Variants in AUTS2 observed in about 807,000 individuals in gnomAD.
AUTS2 encodes autism susceptibility gene 2 protein.
Under a neutral mutation model 112.4 loss-of-function variants are expected in AUTS2, and 17 were observed. That is an observed-to-expected ratio of 0.15 (90% CI 0.10 to 0.23). The LOEUF (loss-of-function observed/expected upper bound fraction) is 0.23. Ranked by LOEUF, AUTS2 falls within the 10% of genes least tolerant of loss-of-function variation. The pLI is 1.00. For missense variants in AUTS2, 1,510 were observed against 1,701.6 expected (o/e 0.89, Z 1.98); for synonymous variants, 751 against 702.7 (o/e 1.07, Z -1.09).
chr7:70,101,605 G>A (rs1804498893), intron 2 of AUTS2, among the ~76,000 whole-genome samples: 1 of 152,168 alleles, frequency 6.6e-6, no homozygotes, highest in African/African-American at 2.4e-5. Flanking sequence ...TGAGGCACAA[G>A]AATTGCTTGA....
chr7:70,095,648 G>A (rs1367815450), intron 2 of AUTS2, among the ~76,000 whole-genome samples: 1 of 152,072 alleles, frequency 6.6e-6, no homozygotes, highest in East Asian at 1.9e-4. Flanking sequence ...ATAGGTTATT[G>A]GAGAGACAGA....
At chr7:70,088,717 A>G (rs1219169193) in intron 2 of AUTS2, among the ~76,000 whole-genome samples, 1 of 151,620 alleles carries the variant, frequency 6.6e-6, no homozygotes, top group South Asian at 2.1e-4. Flanking sequence ...GGTTCAAGCG[A>G]TTCTCCTGCC....
At chr7:70,159,653 C>G (rs1322130388) in intron 4 of AUTS2, among the ~76,000 whole-genome samples, 1 of 152,022 alleles carries the variant, frequency 6.6e-6, no homozygotes, top group Non-Finnish European at 1.5e-5. Context: ...TGTTTAAATA[C>G]CAAATTTATG....
At chr7:69,678,128 T>C (rs1424265428) in intron 1 of AUTS2, among the ~76,000 whole-genome samples, 1 of 152,114 alleles carries the variant, frequency 6.6e-6, no homozygotes, top group Non-Finnish European at 1.5e-5. Flanking sequence ...CTATGAAATC[T>C]GGAAGTGCTC....
At chr7:70,407,037 CA>C (rs1222706903) in intron 4 of AUTS2, among the ~76,000 whole-genome samples, 1 of 152,132 alleles carries the variant, frequency 6.6e-6, no homozygotes, top group Non-Finnish European at 1.5e-5. Context: ...CTGAGCTGGC[CA>C]AATAATCGGT....
chr7:70,461,974 G>T (rs765571524), intron 5 of AUTS2, among the ~76,000 whole-genome samples: 1 of 152,210 alleles, frequency 6.6e-6, no homozygotes, highest in East Asian at 1.9e-4. Flanking sequence ...GAAAGGGGCC[G>T]TGTGCGCTGG....
At chr7:70,408,732 A>G (rs974646933) in intron 4 of AUTS2, among the ~76,000 whole-genome samples, 1 of 152,234 alleles carries the variant, frequency 6.6e-6, no homozygotes, top group East Asian at 1.9e-4. Context: ...GAGATCATGG[A>G]GAGAAGTAGT....
At chr7:70,395,083 C>T (rs1054803467) in intron 4 of AUTS2, among the ~76,000 whole-genome samples, 27 of 151,774 alleles carry the variant, frequency 1.8e-4, no homozygotes, top group African/African-American at 6.0e-4. Flanking sequence ...TAAAATGATT[C>T]TTAGTGGCAT....
At chr7:70,322,575 A>C (rs371840801) in intron 4 of AUTS2, among the ~76,000 whole-genome samples, 19 of 152,336 alleles carry the variant, frequency 1.2e-4, no homozygotes, top group African/African-American at 3.6e-4. Flanking sequence ...CTAGAAGTCA[A>C]ATGTGTTGTT....
At chr7:70,224,827 A>G (rs1811681467) in intron 4 of AUTS2, among the ~76,000 whole-genome samples, 1 of 152,202 alleles carries the variant, frequency 6.6e-6, no homozygotes, top group South Asian at 2.1e-4. Flanking sequence ...TAGATACACA[A>G]ATACTTGCCA....
chr7:70,204,227 T>A (rs757666791), intron 4 of AUTS2, among the ~76,000 whole-genome samples: 4 of 152,200 alleles, frequency 2.6e-5, no homozygotes, highest in Non-Finnish European at 5.9e-5. Flanking sequence ...TACATTGTTG[T>A]ATATCTTTAG....
chr7:70,018,535 G>A (rs1800133097), intron 2 of AUTS2, among the ~76,000 whole-genome samples: 1 of 152,108 alleles, frequency 6.6e-6, no homozygotes. Flanking sequence ...TTTGATTCCT[G>A]TTTAACACTC....
chr7:70,608,608 C>T (rs1478205382), intron 5 of AUTS2, among the ~76,000 whole-genome samples: 7 of 152,182 alleles, frequency 4.6e-5, no homozygotes, highest in African/African-American at 1.4e-4. Flanking sequence ...AAGGTATTCA[C>T]GATGAACCAC....
chr7:69,769,755 AACAAGGG>A (rs1205367597), intron 1 of AUTS2, among the ~76,000 whole-genome samples: 1 of 152,222 alleles, frequency 6.6e-6, no homozygotes, highest in Non-Finnish European at 1.5e-5. Flanking sequence ...ATTGAGAATA[AACAAGGG>A]ACATAAACTA....
intron 4 of AUTS2, among the ~76,000 whole-genome samples, chr7:70,426,709 G>A (rs1222802405): frequency 2.0e-5 from 3 of 152,158 alleles, no homozygotes; most frequent in African/African-American, 4.8e-5. Context: ...ATCGGGTAAT[G>A]CGATAAGTTC....
intron 2 of AUTS2, among the ~76,000 whole-genome samples, chr7:70,048,757 T>C (rs551417124): frequency 4.6e-5 from 7 of 152,224 alleles, no homozygotes; most frequent in African/African-American, 1.7e-4. Context: ...CAAAACTGTT[T>C]TTCTTACTGT....
chr7:69,842,758 C>G (rs1000398776), intron 1 of AUTS2, among the ~76,000 whole-genome samples: 1 of 152,118 alleles, frequency 6.6e-6, no homozygotes, highest in East Asian at 1.9e-4. Context: ...GTTTGAGCTT[C>G]TGGTCCTGTG....
At chr7:70,773,620 C>G (rs1159477945) in intron 11 of AUTS2, among the ~76,000 whole-genome samples, 2 of 152,216 alleles carry the variant, frequency 1.3e-5, no homozygotes, top group Non-Finnish European at 2.9e-5. Context: ...ATGAGAAACA[C>G]CTGATACTGC....
intron 4 of AUTS2, among the ~76,000 whole-genome samples, chr7:70,410,832 AATTATTATTATTATTATTGTTATT>A (rs1794744747): frequency 6.7e-6 from 1 of 150,348 alleles, no homozygotes; most frequent in Admixed American, 6.7e-5. Flanking sequence ...TAAGGAAATA[AATTATTATTATTATTATTGTTATT>A]ATTATTATTA....
Sources: allele counts gnomAD v4.1 joint callset (sites outside exome capture counted in the v4.1 genomes callset), GRCh38; gene constraint gnomAD v4.1.1; transcripts MANE v1.5; gene names NCBI Gene and HGNC (gene_info 2026-07-23, HGNC 2026-07-21).